KLHL38: variants seen among roughly 807,000 people sequenced by gnomAD.
KLHL38 encodes kelch like family member 38.
KLHL38 carries 38 observed loss-of-function variants against 39.6 expected under a neutral mutation model. That is an observed-to-expected ratio of 0.96 (90% CI 0.74 to 1.26). KLHL38 has a LOEUF of 1.26. KLHL38 is among the 50% of genes most tolerant of loss of function. The pLI is 0.00. For missense variants in KLHL38, 803 were observed against 748.1 expected (o/e 1.07, Z -0.86); for synonymous variants, 322 against 302.2 (o/e 1.07, Z -0.68).
At chr8:123,646,865 T>G in intron 3 of KLHL38, 44 bp downstream of exon 3, 2 of 1,355,980 alleles carry the variant, frequency 1.5e-6, no homozygotes, top group Non-Finnish European at 2.1e-6. Context: ...CCATAGAAGG[T>G]GCCAAGTTTG....
rs775038532 is a variant in KLHL38, at chr8:123,651,948, C to T, written c.979G>A (p.Ala327Thr). ...KLPTRLYKAS[A>T]ITLHRSIYVL... ...TAGATGCTGCGGTGCAAGGTGATGGCAGAGGCCTTGTACAGCCGTGTCGGG... is the reference window on the plus strand; with the variant it reads ...TAGATGCTGCGGTGCAAGGTGATGGTAGAGGCCTTGTACAGCCGTGTCGGG... The change falls in exon 2 of 4, where the codon GCC becomes ACC. Residue 327 changes from alanine (A) to threonine (T), a missense_variant. By Grantham distance (58) the Ala-to-Thr change is moderately conservative. Transcript: ENST00000684634. The T allele has an allele frequency of 1.2e-5, 20 of 1,614,150 alleles. No homozygotes were observed. The highest frequency in any genetic ancestry group is 5.1e-6 in the Non-Finnish European group (6 of 1,180,060).
Position 123,646,058 on chromosome 8 carries a change from C to T in KLHL38, c.1457-30G>A, listed in dbSNP as rs140629154. 432 of 1,597,854 alleles carry T rather than the reference C, an allele frequency of 2.7e-4. 1 individual carries two copies. The highest frequency in any genetic ancestry group is 1.3e-3 in the African/African-American group (100 of 74,748). Reference sequence around the variant, plus strand: ...AAACCAAATGACACATGGGCAAGCTCAGTGTTGCTCATCTGGGACTGGAGG... The same window carrying T: ...AAACCAAATGACACATGGGCAAGCTTAGTGTTGCTCATCTGGGACTGGAGG... On this transcript the variant is annotated intron_variant, in intron 3 of 3. Transcript: ENST00000684634.
rs1054163614 is a variant in KLHL38, at chr8:123,644,463, TA to T, written c.*1275del. ...ATCATTTGGCACCAGAAACAAACTT[TA>T]TTCTGGCAATGCAGGATAATTTTAC... On this transcript the variant is annotated 3_prime_UTR_variant, in exon 4 of 4. Coordinates refer to ENST00000684634, the MANE Select transcript of KLHL38 (RefSeq NM_001081675.3). Among the ~76,000 whole-genome samples, 1 of 152,244 alleles carries T rather than the reference TA, an allele frequency of 6.6e-6. No individual in the cohort carries two copies. Among genetic ancestry groups the T allele is most frequent in the Non-Finnish European group, 1.5e-5 (1 of 68,040 alleles).
rs375552119 is a variant in KLHL38, at chr8:123,651,816, C to T, written c.1111G>A (p.Val371Met). ...NQWRLGEPML[V>M]ARYSHRSTAH... ...GTGCTTCTGTGGGAGTAGCGGGCCA[C>T]CAGCATGGGCTCCCCCAGCCTCCAC... Residue 371 changes from valine to methionine, a missense_variant, in exon 2 of 4, where the codon GTG becomes ATG. Transcript: ENST00000684634. The T allele has an allele frequency of 6.8e-6, 11 of 1,614,056 alleles. No individual in the cohort carries two copies. In the Middle Eastern group the frequency reaches 4.9e-4, roughly 72 times the overall value.
At chr8:123,648,933 G>A (rs1043850815) in intron 2 of KLHL38, among the ~76,000 whole-genome samples, 2 of 152,170 alleles carry the variant, frequency 1.3e-5, no homozygotes, top group East Asian at 1.9e-4. Flanking sequence ...AACTATATTC[G>A]AATGAGTAGA....
intron 3 of KLHL38, among the ~76,000 whole-genome samples, chr8:123,646,537 T>C (rs1294490965): frequency 1.3e-5 from 2 of 152,188 alleles, no homozygotes; most frequent in Non-Finnish European, 2.9e-5. Context: ...CCAATACCAG[T>C]CCTCTTAACC....
At position 123,645,838 on chromosome 8, in the gene KLHL38, C is replaced by T; in HGVS notation, c.1647G>A (p.Glu549=). ...GTCCCTGGGATGTCCAGGTGTCCGTCTCGGGGTCGTAGCAATCGAAGGAGG... is the reference window on the plus strand; with the variant it reads ...GTCCCTGGGATGTCCAGGTGTCCGTTTCGGGGTCGTAGCAATCGAAGGAGG... ...DSASFDCYDP[E]TDTWTSQGQL... is the part of the protein sequence containing the mutation. The change falls in exon 4 of 4, where the codon GAG becomes GAA. Residue 549 remains glutamate (E), a synonymous_variant. Coordinates refer to ENST00000684634, the MANE Select transcript of KLHL38 (RefSeq NM_001081675.3). 6.2e-7 allele frequency: 1 copy of T among 1,613,910 alleles called. No individual in the cohort carries two copies. Among genetic ancestry groups the T allele is most frequent in the Non-Finnish European group, 8.5e-7 (1 of 1,180,012 alleles).
chr8:123,652,093 T>A lies in KLHL38; in HGVS notation c.834A>T (p.Pro278=), dbSNP rs1812657662. Reference sequence around the variant, plus strand: ...TGAGGAAATCTTGGTAAGAGTTTCTTGGAGGGACATGCAACAGGAGTTTGC... The same window carrying A: ...TGAGGAAATCTTGGTAAGAGTTTCTAGGAGGGACATGCAACAGGAGTTTGC... ...PDCKLLLHVP[P]RNSYQDFLIL... is the part of the protein sequence containing the mutation. The change falls in exon 2 of 4, where the codon CCA becomes CCT. Residue 278 remains proline (P), a synonymous_variant. Transcript: ENST00000684634. 1 of 1,614,164 alleles carries A rather than the reference T, an allele frequency of 6.2e-7. No individual in the cohort carries two copies. Among genetic ancestry groups the A allele is most frequent in the East Asian group, 2.2e-5 (1 of 44,882 alleles).
At chr8:123,647,754 T>C (rs1818686817) in intron 2 of KLHL38, among the ~76,000 whole-genome samples, 1 of 152,224 alleles carries the variant, frequency 6.6e-6, no homozygotes, top group African/African-American at 2.4e-5. Flanking sequence ...AATGGCATAG[T>C]ATTCTTTGCT....
At position 123,652,400 on chromosome 8, in the gene KLHL38, C is replaced by T. The variant is rs772160574; in HGVS notation, c.527G>A (p.Cys176Tyr). Reference sequence around the variant, plus strand: ...GAGATAGTCCCTCAACTCCAAGGCACAGAGCTCCTTCAGGTCGGCCGATGC... The same window carrying T: ...GAGATAGTCCCTCAACTCCAAGGCATAGAGCTCCTTCAGGTCGGCCGATGC... The part of the protein sequence containing the change: ...VAASADLKEL[C>Y]ALELRDYLGD... The change falls in exon 2 of 4, where the codon TGT becomes TAT. Residue 176 changes from cysteine (C) to tyrosine (Y), a missense_variant. Physicochemically the swap from Cys to Tyr is radical, Grantham distance 194. Transcript: ENST00000684634. 1.9e-6 allele frequency: 3 copies of T among 1,614,106 alleles called. No individual in the cohort carries two copies. The highest frequency in any genetic ancestry group is 2.5e-6 in the Non-Finnish European group (3 of 1,180,034).
chr8:123,652,135 G>A lies in KLHL38; in HGVS notation c.792C>T (p.Gly264=). 1 of 1,614,148 alleles carries A rather than the reference G, an allele frequency of 6.2e-7. No individual in the cohort carries two copies. The highest frequency in any genetic ancestry group is 8.5e-7 in the Non-Finnish European group (1 of 1,180,028). Residue 264 remains glycine (G), a synonymous_variant, in exon 2 of 4, where the codon GGC becomes GGT. Transcript: ENST00000684634. ...GGAGTTTGCAGTCTGGGACGGTGGT[G>A]CCACACAAAGAGAACATCTGTCTCT... ...TAKRQMFSLC[G]TTVPDCKLLL...
Position 123,652,533 on chromosome 8 carries a change from C to A in KLHL38, c.394G>T (p.Ala132Ser), listed in dbSNP as rs753835949. Residue 132 changes from alanine to serine, a missense_variant, in exon 2 of 4, where the codon GCC (alanine) becomes TCC (serine). Physicochemically the swap from Ala to Ser is moderately conservative, Grantham distance 99. Coordinates refer to ENST00000684634, the MANE Select transcript of KLHL38 (RefSeq NM_001081675.3). ...ACSSYLQSQLAPSNCLGMIRL... is the reference protein window; with the variant it reads ...ACSSYLQSQLSPSNCLGMIRL... ...ATCATACCCAGGCAGTTGCTGGGGG[C>A]CAACTGGCTCTGCAAGTACGAGGAG... 2.5e-6 allele frequency: 4 copies of A among 1,614,170 alleles called. No individual in the cohort carries two copies. Among genetic ancestry groups the A allele is most frequent in the Non-Finnish European group, 2.5e-6 (3 of 1,180,008 alleles).
At chr8:123,649,757 C>G (rs1812600993) in intron 2 of KLHL38, among the ~76,000 whole-genome samples, 1 of 152,124 alleles carries the variant, frequency 6.6e-6, no homozygotes, top group Non-Finnish European at 1.5e-5. Context: ...GGAGGTTGCT[C>G]CCGGTAGCCT....
Position 123,652,520 on chromosome 8 carries a change from C to T in KLHL38, c.407G>A (p.Cys136Tyr). 6.2e-7 allele frequency: 1 copy of T among 1,614,210 alleles called. No homozygotes were observed. The highest frequency in any genetic ancestry group is 8.5e-7 in the Non-Finnish European group (1 of 1,180,034). The change falls in exon 2 of 4, where the codon TGC becomes TAC. Residue 136 changes from cysteine to tyrosine, a missense_variant. Physicochemically the swap from Cys to Tyr is radical, Grantham distance 194 (BLOSUM62 -2). Coordinates refer to ENST00000684634, the MANE Select transcript of KLHL38 (RefSeq NM_001081675.3). The stretch of plus-strand genomic sequence containing the variant: ...TTCTGAGAGTCTGATCATACCCAGG[C>T]AGTTGCTGGGGGCCAACTGGCTCTG... Reference protein sequence around the residue: ...YLQSQLAPSNCLGMIRLSEIL... With the variant: ...YLQSQLAPSNYLGMIRLSEIL...
rs1325460853 is a variant in KLHL38, at chr8:123,644,707, T to G, written c.*1032A>C. Among the ~76,000 whole-genome samples the G allele has an allele frequency of 1.3e-5, 2 of 152,140 alleles. No individual in the cohort carries two copies. The highest frequency in any genetic ancestry group is 4.8e-5 in the African/African-American group (2 of 41,416). The stretch of plus-strand genomic sequence containing the variant: ...TGGATTTCTCTCTTTGGGGAAATGC[T>G]TCTAACCCATTATATGCAGTTTGGA... On this transcript the variant is annotated 3_prime_UTR_variant, in exon 4 of 4. Transcript: ENST00000684634.
chr8:123,645,477 G>GACAC lies in KLHL38; in HGVS notation c.*261_*262insGTGT. 12 of 473,862 alleles carry GACAC rather than the reference G, an allele frequency of 2.5e-5. No homozygotes were observed. Among genetic ancestry groups the GACAC allele is most frequent in the African/African-American group, 1.9e-4 (8 of 43,096 alleles). 29.4% of individuals were successfully genotyped at this position (473,862 alleles called of 1,614,324 possible). On this transcript the variant is annotated 3_prime_UTR_variant, in exon 4 of 4. Coordinates refer to ENST00000684634, the MANE Select transcript of KLHL38 (RefSeq NM_001081675.3). ...AGAGAGAGAGAGAGAGAGAGAGAGA[G>GACAC]AGACAGACAGAGATAGGGGAGAGAA...
chr8:123,645,834 C>A lies in KLHL38; in HGVS notation c.1651G>T (p.Asp551Tyr). 6.2e-7 allele frequency: 1 copy of A among 1,613,854 alleles called. No individual in the cohort carries two copies. The highest frequency in any genetic ancestry group is 8.5e-7 in the Non-Finnish European group (1 of 1,179,992). Residue 551 changes from aspartate (D) to tyrosine (Y), a missense_variant, in exon 4 of 4, where the codon GAC (aspartate) becomes TAC (tyrosine). Transcript: ENST00000684634. ...ASFDCYDPET[D>Y]TWTSQGQLPH... The stretch of plus-strand genomic sequence containing the variant: ...AGCTGTCCCTGGGATGTCCAGGTGT[C>A]CGTCTCGGGGTCGTAGCAATCGAAG...
intron 3 of KLHL38, among the ~76,000 whole-genome samples, chr8:123,646,614 A>T (rs1818668512): frequency 6.6e-6 from 1 of 152,216 alleles, no homozygotes; most frequent in African/African-American, 2.4e-5. Context: ...AGAAGCAAAC[A>T]TGTTTTATTT....
At position 123,652,536 on chromosome 8, in the gene KLHL38, A is replaced by G. The variant is rs372636699; in HGVS notation, c.391T>C (p.Leu131=). Residue 131 remains leucine (L), a synonymous_variant, in exon 2 of 4, where the codon TTG becomes CTG. Transcript: ENST00000684634. ...ATACCCAGGCAGTTGCTGGGGGCCA[A>G]CTGGCTCTGCAAGTACGAGGAGCAG... ...EACSSYLQSQ[L]APSNCLGMIR... 5.6e-6 allele frequency: 9 copies of G among 1,614,082 alleles called. No individual in the cohort carries two copies. The African/African-American group carries it at 8.0e-5, about 14-fold the overall frequency.
Sources: allele counts gnomAD v4.1 joint callset (sites outside exome capture counted in the v4.1 genomes callset), GRCh38; gene constraint gnomAD v4.1.1; transcripts MANE v1.5; gene names NCBI Gene and HGNC (gene_info 2026-07-23, HGNC 2026-07-21).